EIF2B3: variants seen among roughly 807,000 people sequenced by gnomAD.
EIF2B3 encodes eukaryotic translation initiation factor 2B subunit gamma.
EIF2B3 carries 20 observed loss-of-function variants against 54.1 expected under a neutral mutation model. The ratio of observed to expected loss-of-function variants is 0.37; its 90% CI spans 0.26 to 0.54. EIF2B3 has a LOEUF of 0.54. Ranked by LOEUF, EIF2B3 falls within the 20% of genes least tolerant of loss-of-function variation. The probability of loss-of-function intolerance (pLI) is 0.86; values close to 1 mark genes in which losing one functional copy is unlikely to be tolerated. For missense variants in EIF2B3, 448 were observed against 547.8 expected (o/e 0.82, Z 1.82); for synonymous variants, 153 against 188.1 (o/e 0.81, Z 1.52).
chr1:44,877,210 A>AAAAC (rs1655217021), intron 8 of EIF2B3, among the ~76,000 whole-genome samples: 2 of 148,884 alleles, frequency 1.3e-5, no homozygotes, highest in South Asian at 4.3e-4. Flanking sequence ...AAAAAAAAAA[A>AAAAC]AAAAAAAAAA....
At chr1:44,879,701 A>G (rs902867389) in intron 8 of EIF2B3, 117 bp downstream of exon 8, 3 of 1,236,792 alleles carry the variant, frequency 2.4e-6, no homozygotes. Flanking sequence ...GTCTTGCTCA[A>G]CCTTGGGAAT....
rs1401012248 is a variant in EIF2B3 at position 44,874,661 on chromosome 1, T to C, written c.1202+17A>G. ...TTCCATTATCTTTGCCTCAAGTGGG[T>C]ACAGGGGGAAACATACCCTTCCTCC... On this transcript the variant is annotated intron_variant, in intron 10 of 11. Transcript: ENST00000360403. 6.2e-7 allele frequency: 1 copy of C among 1,614,000 alleles called. No individual in the cohort carries two copies. Among genetic ancestry groups the C allele is most frequent in the Non-Finnish European group, 8.5e-7 (1 of 1,179,896 alleles).
At chr1:44,939,595 T>TAAACATAAATTATAACATCGC (rs1553176871) in intron 4 of EIF2B3, among the ~76,000 whole-genome samples, 1 of 152,176 alleles carries the variant, frequency 6.6e-6, no homozygotes, top group Non-Finnish European at 1.5e-5. Context: ...TTCCACATTG[T>TAAACATAAATTATAACATCGC]ATACATAAAT....
chr1:44,897,956 G>C (rs977884020), intron 5 of EIF2B3, among the ~76,000 whole-genome samples: 9 of 151,748 alleles, frequency 5.9e-5, no homozygotes, highest in African/African-American at 1.9e-4. Flanking sequence ...GGCTGGTCTC[G>C]AACTCCTGGT....
At chr1:44,953,560 T>C (rs1644191966) in intron 3 of EIF2B3, among the ~76,000 whole-genome samples, 1 of 152,198 alleles carries the variant, frequency 6.6e-6, no homozygotes. Flanking sequence ...GCATATCACT[T>C]GAGCCCAGGA....
chr1:44,857,830 G>C (rs1654486233), intron 10 of EIF2B3, 23 bp from the exon 11 acceptor site: 1 of 1,610,132 alleles, frequency 6.2e-7, no homozygotes, highest in African/African-American at 1.3e-5. Flanking sequence ...AGCCAAGTTA[G>C]GGAGGACCCA....
chr1:44,976,286 C>T (rs1332694171), intron 3 of EIF2B3, among the ~76,000 whole-genome samples: 1 of 152,116 alleles, frequency 6.6e-6, no homozygotes, highest in Non-Finnish European at 1.5e-5. Flanking sequence ...AAAAAATAGA[C>T]AAATGCTTTG....
chr1:44,853,833 A>G (rs927576192), intron 11 of EIF2B3, among the ~76,000 whole-genome samples: 3 of 152,186 alleles, frequency 2.0e-5, no homozygotes, highest in African/African-American at 7.2e-5. Context: ...CCTGCTGGCC[A>G]GGAGGATTTG....
intron 4 of EIF2B3, among the ~76,000 whole-genome samples, chr1:44,941,107 A>G (rs1165927103): frequency 6.6e-6 from 1 of 152,078 alleles, no homozygotes; most frequent in African/African-American, 2.4e-5. Context: ...GGCTGGTCTC[A>G]AACTCCTGAC....
intron 5 of EIF2B3, among the ~76,000 whole-genome samples, chr1:44,900,351 G>C (rs1268642882): frequency 6.7e-6 from 1 of 150,278 alleles, no homozygotes; most frequent in African/African-American, 2.4e-5. Context: ...GGAGGGTGAG[G>C]CAGGATAATT....
Position 44,873,143 on chromosome 1 carries a change from A to G in EIF2B3, c.1202+1535T>C, listed in dbSNP as rs529605471. 7.9e-5 allele frequency among the ~76,000 whole-genome samples: 12 copies of G among 152,340 alleles called. No homozygotes were observed. In the South Asian group the frequency reaches 2.3e-3, roughly 29 times the overall value. The stretch of plus-strand genomic sequence containing the variant: ...GGCTGGTTGTCAACAATTTATCAGC[A>G]TACCACTGGTAGCAGCGTACCACAA... On this transcript the variant is annotated intron_variant, in intron 10 of 11. Transcript: ENST00000360403.
At chr1:44,957,164 G>T (rs1229619172) in intron 3 of EIF2B3, among the ~76,000 whole-genome samples, 2 of 152,202 alleles carry the variant, frequency 1.3e-5, no homozygotes, top group Non-Finnish European at 2.9e-5. Flanking sequence ...TACTCAGGAG[G>T]CTGAGGTAGG....
intron 3 of EIF2B3, among the ~76,000 whole-genome samples, chr1:44,945,641 G>A (rs72676563): frequency 0.14 from 20,378 of 149,636 alleles, 1,603 homozygotes; most frequent in Non-Finnish European, 0.17. Flanking sequence ...AGCAGCAAAC[G>A]TGAACAAATC....
At chr1:44,869,421 C>T (rs546205946) in intron 10 of EIF2B3, among the ~76,000 whole-genome samples, 268 of 149,952 alleles carry the variant, frequency 1.8e-3, no homozygotes, top group Non-Finnish European at 2.3e-3. Flanking sequence ...GAGGTTGCAG[C>T]GAGCTGAGAT....
chr1:44,894,299 A>C (rs1259912211), intron 6 of EIF2B3, among the ~76,000 whole-genome samples: 4 of 152,166 alleles, frequency 2.6e-5, no homozygotes, highest in Non-Finnish European at 5.9e-5. Flanking sequence ...AAAACTTGTA[A>C]AATGTGTACA....
At chr1:44,938,895 T>G (rs188223877) in intron 4 of EIF2B3, among the ~76,000 whole-genome samples, 5 of 151,412 alleles carry the variant, frequency 3.3e-5, no homozygotes, top group Non-Finnish European at 7.4e-5. Context: ...AGCTCAAGAG[T>G]TCGAGGCCAG....
chr1:44,944,491 T>C (rs1357095018), intron 3 of EIF2B3, among the ~76,000 whole-genome samples: 1 of 142,050 alleles, frequency 7.0e-6, no homozygotes, highest in Non-Finnish European at 1.5e-5. Flanking sequence ...CAAGATGCTG[T>C]CTCAAAAAAA....
At position 44,872,363 on chromosome 1, in the gene EIF2B3, T is replaced by A. The variant is rs149439765; in HGVS notation, c.1202+2315A>T. ...ACTTTTTATGTATCTAGAATACCTC[T>A]GGCCAGGTGCAGTGGCTCATGCCTG... On this transcript the variant is annotated intron_variant, in intron 10 of 11. Coordinates refer to ENST00000360403, the MANE Select transcript of EIF2B3 (RefSeq NM_020365.5). Among the ~76,000 whole-genome samples, 1,016 of 151,058 alleles carry A rather than the reference T, an allele frequency of 6.7e-3. 13 individuals are homozygous for A. Among genetic ancestry groups the A allele is most frequent in the African/African-American group, 0.023 (965 of 41,294 alleles).
chr1:44,856,105 ATGAGGAATT>A (rs1654423703), intron 11 of EIF2B3, among the ~76,000 whole-genome samples: 1 of 152,188 alleles, frequency 6.6e-6, no homozygotes, highest in African/African-American at 2.4e-5. Flanking sequence ...CACGGTATGT[ATGAGGAATT>A]CTAAGTCTTT....
Sources: gnomAD v4.1 joint callset for allele counts (sites outside exome capture counted in the v4.1 genomes callset) on GRCh38, gnomAD v4.1.1 for gene constraint, MANE v1.5 for transcripts, NCBI Gene and HGNC (gene_info 2026-07-23, HGNC 2026-07-21) for gene names.